Variants in TGIF2 observed in about 807,000 individuals in gnomAD.
TGIF2 encodes the protein homeobox protein TGIF2.
A neutral mutation model predicts 15.1 loss-of-function variants in TGIF2; 5 were observed. The ratio of observed to expected loss-of-function variants is 0.33; its 90% CI spans 0.17 to 0.70. The LOEUF is 0.70. Ranked by LOEUF, TGIF2 falls within the 30% of genes least tolerant of loss-of-function variation. The pLI, the probability that TGIF2 is intolerant of heterozygous loss-of-function variation, is 0.67. For synonymous variants in TGIF2, 131 were observed against 128.9 expected, an observed-to-expected ratio of 1.02 and a Z score of -0.11; for missense variants, 264 against 302.5, an observed-to-expected ratio of 0.87 and a Z score of 0.94.
In TGIF2 at chr20:36,578,822, G is replaced by A. The variant is rs748658479; in HGVS notation, c.48G>A (p.Ala16=). The A allele has an allele frequency of 2.3e-5, 37 of 1,614,016 alleles. No homozygotes were observed. The highest frequency in any genetic ancestry group is 1.1e-4 in the African/African-American group (8 of 74,934). ...LGEDEGLLSL[A]GKRKRRGNLP... ...AGGACGAAGGCCTCCTCTCCCTGGC[G>A]GGCAAAAGGAAGCGCAGGGGGAACC... Residue 16 remains alanine, a synonymous_variant, in exon 2 of 3, where the codon GCG becomes GCA. Transcript: ENST00000373872.
intron 2 of TGIF2, among the ~76,000 whole-genome samples, chr20:36,586,699 C>G (rs558087100): frequency 3.6e-4 from 52 of 146,440 alleles, no homozygotes; most frequent in African/African-American, 1.3e-3. Context: ...CATTTCCCCC[C>G]CCCCAAAAAA....
In TGIF2 at chr20:36,591,323, G is replaced by C. The variant is rs200959739; in HGVS notation, c.606G>C (p.Val202=). The C allele has an allele frequency of 6.2e-7, 1 of 1,614,096 alleles. No individual in the cohort carries two copies. Among genetic ancestry groups the C allele is most frequent in the Non-Finnish European group, 8.5e-7 (1 of 1,180,058 alleles). The stretch of plus-strand genomic sequence containing the variant: ...ACTTCAGCAGCTTCCAGCTGCTGGT[G>C]GAGGTGGCGCTACAGAGGGCTGCTG... ...KEDFSSFQLL[V]EVALQRAAEM... is the part of the protein sequence containing the mutation. Residue 202 remains valine (V), a synonymous_variant, in exon 3 of 3, where the codon GTG becomes GTC. Transcript: ENST00000373872. This position sits in a 1 kb window ranked among gnomAD's most constrained non-coding sequence, Gnocchi z 5.3.
At chr20:36,583,056 G>A (rs1011897682) in intron 2 of TGIF2, among the ~76,000 whole-genome samples, 1 of 150,048 alleles carries the variant, frequency 6.7e-6, no homozygotes, top group Admixed American at 6.6e-5. Flanking sequence ...CAGGCAGTTC[G>A]CTTGAGGCCA....
At chr20:36,582,282 C>A (rs2038562328) in intron 2 of TGIF2, among the ~76,000 whole-genome samples, 1 of 152,096 alleles carries the variant, frequency 6.6e-6, no homozygotes. Flanking sequence ...ACCCATCTCC[C>A]CGCAAGATGT....
At position 36,592,136 on chromosome 20, in the gene TGIF2, T is replaced by C. The variant is rs1437500161; in HGVS notation, c.*705T>C. 1 of 150,270 alleles carries C rather than the reference T, an allele frequency of 6.7e-6. No homozygotes were observed. Among genetic ancestry groups the C allele is most frequent in the Non-Finnish European group, 1.5e-5 (1 of 67,654 alleles). 9.3% of individuals were successfully genotyped at this position (150,270 alleles called of 1,614,324 possible). ...TGTGAAATTCCAAATGGTTGTTTTA[T>C]CATTGGTTTGGTTTACCAAAAAAAA... On this transcript the variant is annotated 3_prime_UTR_variant, in exon 3 of 3. Transcript: ENST00000373872.
rs944747320 is a variant in TGIF2, at chr20:36,593,661, C to G, written c.*2230C>G. 6.5e-6 allele frequency: 1 copy of G among 152,684 alleles called. No individual in the cohort carries two copies. Among genetic ancestry groups the G allele is most frequent in the African/African-American group, 2.4e-5 (1 of 41,452 alleles). The allele number at this position is 152,684 out of a possible 1,614,324, so 9.5% of individuals were successfully genotyped here. On this transcript the variant is annotated 3_prime_UTR_variant, in exon 3 of 3. Coordinates refer to ENST00000373872, the MANE Select transcript of TGIF2 (RefSeq NM_021809.7). ...GTCTGGTGCAACTGCTGCAGGATGC[C>G]TGTAGTAGGGAACTCTGGAAGTGTA...
chr20:36,574,056 A>C (rs1351891746), intron 1 of TGIF2, among the ~76,000 whole-genome samples: 3 of 148,212 alleles, frequency 2.0e-5, no homozygotes, highest in African/African-American at 7.5e-5. Flanking sequence ...ACCGGACCTG[A>C]GTGAGCGCGC....
intron 2 of TGIF2, among the ~76,000 whole-genome samples, chr20:36,589,173 G>A (rs886124818): frequency 6.6e-5 from 10 of 152,030 alleles, no homozygotes; most frequent in African/African-American, 2.4e-4. Flanking sequence ...CTTTATTCTT[G>A]TTTCTGTTGG....
intron 2 of TGIF2, among the ~76,000 whole-genome samples, chr20:36,584,432 C>G (rs975115119): frequency 6.6e-6 from 1 of 152,060 alleles, no homozygotes; most frequent in Admixed American, 6.6e-5. Flanking sequence ...CAGAAAAGGG[C>G]TATAAAGTGG....
rs1274235672 is a variant in TGIF2 at position 36,578,772 on chromosome 20, A to C, written c.-3A>C. 4 of 1,609,366 alleles carry C rather than the reference A, an allele frequency of 2.5e-6. No homozygotes were observed. The highest frequency in any genetic ancestry group is 3.4e-6 in the Non-Finnish European group (4 of 1,177,456). ...CCAAGGTCCAGCCTAGCCCCTAGGC[A>C]CCATGTCGGACAGTGATCTAGGTGA... On this transcript the variant is annotated 5_prime_UTR_variant, in exon 2 of 3. Coordinates refer to ENST00000373872, the MANE Select transcript of TGIF2 (RefSeq NM_021809.7).
In TGIF2 at chr20:36,578,970, A is replaced by T. The variant is rs2038488772; in HGVS notation, c.192+4A>T. On this transcript the variant is annotated splice_donor_region_variant and intron_variant, in intron 2 of 2. Coordinates refer to ENST00000373872, the MANE Select transcript of TGIF2 (RefSeq NM_021809.7). ...GACCAACCTGTCAGTGCTGCAAGTA[A>T]GGAGGGGATCTGGATAAGGGGGTGG... 3 of 1,613,290 alleles carry T rather than the reference A, an allele frequency of 1.9e-6. No individual in the cohort carries two copies. In the African/African-American group the frequency reaches 4.0e-5, roughly 22 times the overall value.
intron 2 of TGIF2, among the ~76,000 whole-genome samples, chr20:36,586,414 G>A (rs2041133860): frequency 6.6e-6 from 1 of 152,166 alleles, no homozygotes; most frequent in South Asian, 2.1e-4. Context: ...ATCTCTCCCA[G>A]GCTGGGTGTG....
At chr20:36,578,141 G>C (rs1311492771) in intron 1 of TGIF2, among the ~76,000 whole-genome samples, 1 of 152,268 alleles carries the variant, frequency 6.6e-6, no homozygotes, top group African/African-American at 2.4e-5. Context: ...GGCCAGGCAT[G>C]GTGGCTCACG....
chr20:36,574,850 T>A (rs1284014521), intron 1 of TGIF2: 2 of 152,076 alleles, frequency 1.3e-5, no homozygotes, highest in South Asian at 2.1e-4. Flanking sequence ...AATGCGGGCG[T>A]GAGTGCGCGG....
At chr20:36,579,246 A>G (rs1600770459) in intron 2 of TGIF2, among the ~76,000 whole-genome samples, 1 of 152,228 alleles carries the variant, frequency 6.6e-6, no homozygotes, top group East Asian at 1.9e-4. Context: ...ATCTCGGCTC[A>G]CTGCAACCTC....
At chr20:36,587,205 G>T (rs1475016731) in intron 2 of TGIF2, among the ~76,000 whole-genome samples, 2 of 152,210 alleles carry the variant, frequency 1.3e-5, no homozygotes, top group Admixed American at 1.3e-4. Flanking sequence ...CAGCCCCTCA[G>T]CTGTGCATTT....
intron 1 of TGIF2, among the ~76,000 whole-genome samples, chr20:36,575,787 CTT>C (rs2147918859): frequency 6.6e-6 from 1 of 152,224 alleles, no homozygotes; most frequent in South Asian, 2.1e-4. Context: ...TGGCCTAGAA[CTT>C]TTGCTTTTAA....
chr20:36,578,328 A>G (rs1009435371), intron 1 of TGIF2, among the ~76,000 whole-genome samples: 2 of 151,770 alleles, frequency 1.3e-5, no homozygotes, highest in African/African-American at 4.8e-5. Flanking sequence ...TGGGAGAATC[A>G]CTTGAACCCA....
chr20:36,585,481 A>C (rs564872034), intron 2 of TGIF2, among the ~76,000 whole-genome samples: 1 of 151,148 alleles, frequency 6.6e-6, no homozygotes, highest in Admixed American at 6.7e-5. Flanking sequence ...AAAAAAAAAA[A>C]AAAAAAACTC....
Sources: gnomAD v4.1 joint callset for allele counts (sites outside exome capture counted in the v4.1 genomes callset) on GRCh38, gnomAD v4.1.1 for gene constraint, Gnocchi (gnomAD v3.1) non-coding constraint, MANE v1.5 for transcripts, NCBI Gene and HGNC (gene_info 2026-07-23, HGNC 2026-07-21) for gene names.